The following ERBB4 variants were observed in gnomAD, a reference collection of about 807,000 sequenced individuals.
The protein encoded by ERBB4 is erb-b2 receptor tyrosine kinase 4.
ERBB4 carries 42 observed loss-of-function variants against 158.0 expected under a neutral mutation model. The ratio of observed to expected loss-of-function variants is 0.27; its 90% CI spans 0.21 to 0.34. ERBB4 has a LOEUF of 0.34. ERBB4 is among the 10% of genes least tolerant of loss of function. The pLI is 1.00. For synonymous variants in ERBB4, 583 were observed against 558.7 expected, an observed-to-expected ratio of 1.04 and a Z score of -0.61; for missense variants, 1,333 against 1,624.1, an observed-to-expected ratio of 0.82 and a Z score of 3.08.
intron 20 of ERBB4, among the ~76,000 whole-genome samples, chr2:211,481,632 G>A (rs1002859971): frequency 2.0e-4 from 31 of 151,660 alleles, no homozygotes; most frequent in African/African-American, 2.4e-5. Flanking sequence ...CATACTCCGT[G>A]AGTATGTGAG....
intron 19 of ERBB4, among the ~76,000 whole-genome samples, chr2:211,563,128 G>A (rs976462601): frequency 6.6e-6 from 1 of 152,138 alleles, no homozygotes; most frequent in Non-Finnish European, 1.5e-5. Context: ...GGGGATAAAA[G>A]TGGACATATG....
At chr2:212,124,962 A>C (rs1472889400) in intron 1 of ERBB4, 59 bp from the exon 2 acceptor site, 2 of 1,572,614 alleles carry the variant, frequency 1.3e-6, no homozygotes, top group East Asian at 2.2e-5. Context: ...ATGCGCAATG[A>C]TAATATCTTT....
intron 3 of ERBB4, among the ~76,000 whole-genome samples, chr2:211,795,046 T>A (rs1210300600): frequency 6.6e-6 from 1 of 151,898 alleles, no homozygotes; most frequent in Admixed American, 6.6e-5. Flanking sequence ...GGTTCTATCA[T>A]CTCATACCAG....
intron 20 of ERBB4, among the ~76,000 whole-genome samples, chr2:211,518,740 T>A (rs2066108918): frequency 6.6e-6 from 1 of 152,098 alleles, no homozygotes; most frequent in Admixed American, 6.5e-5. Context: ...AACTGTATCC[T>A]GTGTCTGAGA....
chr2:212,055,259 C>T (rs1234321110), intron 2 of ERBB4, among the ~76,000 whole-genome samples: 8 of 152,154 alleles, frequency 5.3e-5, no homozygotes, highest in East Asian at 1.9e-4. Context: ...AAGGGGTGCC[C>T]GCCATTGCTG....
intron 3 of ERBB4, among the ~76,000 whole-genome samples, chr2:211,821,150 T>C (rs1003180809): frequency 6.6e-6 from 1 of 151,814 alleles, no homozygotes; most frequent in African/African-American, 2.4e-5. Context: ...TAGACAGATC[T>C]GAAGACTACC....
chr2:211,585,038 C>T (rs1354017333), intron 19 of ERBB4, among the ~76,000 whole-genome samples: 1 of 151,918 alleles, frequency 6.6e-6, no homozygotes, highest in Admixed American at 6.6e-5. Flanking sequence ...ATTAACAAAA[C>T]AAGAAAGAAT....
intron 2 of ERBB4, among the ~76,000 whole-genome samples, chr2:212,015,938 GCAT>G: frequency 6.6e-6 from 1 of 151,696 alleles, no homozygotes; most frequent in African/African-American, 2.4e-5. Context: ...ATATTTGATT[GCAT>G]CATATGTTTT....
At chr2:212,319,892 G>A (rs575661247) in intron 1 of ERBB4, among the ~76,000 whole-genome samples, 2 of 150,168 alleles carry the variant, frequency 1.3e-5, no homozygotes, top group East Asian at 3.9e-4. Flanking sequence ...ACTTCATGTC[G>A]TTCCAAAGCT....
chr2:212,218,582 C>T (rs1279304042), intron 1 of ERBB4, among the ~76,000 whole-genome samples: 1 of 151,318 alleles, frequency 6.6e-6, no homozygotes, highest in Non-Finnish European at 1.5e-5. Flanking sequence ...GCTAGTCAAC[C>T]AGCTAATTGC....
rs535035481 is a variant in ERBB4, at chr2:212,470,408, A to G, written c.82+68041T>C. Among the ~76,000 whole-genome samples, 20 of 152,232 alleles carry G rather than the reference A, an allele frequency of 1.3e-4. No homozygotes were observed. The East Asian group carries it at 1.3e-3, about 10-fold the overall frequency. ...TACGTGATTAAAATAAGGATTGCCT[A>G]TCATAGGACCAACTCCTCCCAGCCA... On this transcript the variant is annotated intron_variant, in intron 1 of 27. Coordinates refer to ENST00000342788, the MANE Select transcript of ERBB4 (RefSeq NM_005235.3).
intron 17 of ERBB4, among the ~76,000 whole-genome samples, chr2:211,628,414 C>A (rs566257385): frequency 6.6e-6 from 1 of 152,058 alleles, no homozygotes; most frequent in South Asian, 2.1e-4. Context: ...TGAGAACATG[C>A]GGTGTTTGGT....
intron 1 of ERBB4, among the ~76,000 whole-genome samples, chr2:212,208,051 G>T (rs963576052): frequency 3.3e-5 from 5 of 152,074 alleles, no homozygotes; most frequent in Non-Finnish European, 7.4e-5. Context: ...AACAGCTACT[G>T]AACAAAGACT....
chr2:212,048,035 AAGCCC>A (rs1399117926), intron 2 of ERBB4, among the ~76,000 whole-genome samples: 1 of 152,164 alleles, frequency 6.6e-6, no homozygotes, highest in Admixed American at 6.6e-5. Flanking sequence ...TATGATATTT[AAGCCC>A]AGCTATAAGC....
At chr2:211,602,204 C>A (rs905803027) in intron 19 of ERBB4, among the ~76,000 whole-genome samples, 1 of 152,054 alleles carries the variant, frequency 6.6e-6, no homozygotes, top group African/African-American at 2.4e-5. Flanking sequence ...TTGTCCTCTC[C>A]GACCTTAAAG....
At chr2:212,157,887 A>G (rs1009326522) in intron 1 of ERBB4, among the ~76,000 whole-genome samples, 1 of 152,078 alleles carries the variant, frequency 6.6e-6, no homozygotes, top group African/African-American at 2.4e-5. Context: ...CAGAGGGGAA[A>G]GAAGCCTGCT....
chr2:212,236,234 T>C (rs896983005), intron 1 of ERBB4, among the ~76,000 whole-genome samples: 2 of 152,224 alleles, frequency 1.3e-5, no homozygotes, highest in Non-Finnish European at 2.9e-5. Context: ...CATGTGGTTT[T>C]TGTCATTGGT....
chr2:212,438,889 T>A (rs879873233), intron 1 of ERBB4, among the ~76,000 whole-genome samples: 24 of 152,000 alleles, frequency 1.6e-4, no homozygotes, highest in Non-Finnish European at 3.2e-4. Context: ...ACAAATAGAA[T>A]AAAGAAGCAA....
intron 1 of ERBB4, among the ~76,000 whole-genome samples, chr2:212,323,652 T>C (rs1183818577): frequency 2.0e-5 from 3 of 150,526 alleles, no homozygotes; most frequent in African/African-American, 7.3e-5. Context: ...ATTCCAAAAA[T>C]GTTATAAACA....
Sources: gnomAD v4.1 joint callset for allele counts (sites outside exome capture counted in the v4.1 genomes callset) on GRCh38, gnomAD v4.1.1 for gene constraint, MANE v1.5 for transcripts, NCBI Gene and HGNC (gene_info 2026-07-23, HGNC 2026-07-21) for gene names.